The following CCDC148 variants were observed in gnomAD, a reference collection of about 807,000 sequenced individuals.
The protein encoded by CCDC148 is coiled-coil domain-containing protein 148.
CCDC148 carries 89 observed loss-of-function variants against 85.7 expected under a neutral mutation model. That is an observed-to-expected ratio of 1.04 (90% CI 0.87 to 1.24). CCDC148 has a LOEUF of 1.24. Ranked by LOEUF, CCDC148 falls within the 50% of genes most tolerant of loss-of-function variation. The pLI, the probability that CCDC148 is intolerant of heterozygous loss-of-function variation, is 0.00. For missense variants in CCDC148, 692 were observed against 671.7 expected (o/e 1.03, Z -0.33); for synonymous variants, 230 against 213.9 (o/e 1.08, Z -0.66).
chr2:158,352,913 G>A (rs1683399961), intron 2 of CCDC148, among the ~76,000 whole-genome samples: 1 of 151,730 alleles, frequency 6.6e-6, no homozygotes, highest in African/African-American at 2.4e-5. Flanking sequence ...GAGAGTGGGG[G>A]CCAATATTCA....
At chr2:158,267,666 A>T (rs1286952460) in intron 9 of CCDC148, among the ~76,000 whole-genome samples, 1 of 152,296 alleles carries the variant, frequency 6.6e-6, no homozygotes, top group East Asian at 1.9e-4. Flanking sequence ...CTCTAAAAGA[A>T]TTTAACTCTG....
intron 2 of CCDC148, among the ~76,000 whole-genome samples, chr2:158,353,154 A>T (rs1368811619): frequency 6.9e-6 from 1 of 145,902 alleles, no homozygotes; most frequent in African/African-American, 2.6e-5. Context: ...GAGACTAGGA[A>T]GAAACTGCAT....
intron 7 of CCDC148, among the ~76,000 whole-genome samples, chr2:158,316,915 T>G (rs554972003): frequency 6.9e-4 from 105 of 152,324 alleles, no homozygotes; most frequent in African/African-American, 2.3e-3. Context: ...ATTCAATATA[T>G]TTGCATTTCC....
intron 10 of CCDC148, among the ~76,000 whole-genome samples, chr2:158,227,630 C>G (rs1190940194): frequency 6.6e-6 from 1 of 152,142 alleles, no homozygotes; most frequent in African/African-American, 2.4e-5. Flanking sequence ...TGGAACAGAA[C>G]AGAGCCCTCA....
chr2:158,325,388 C>A (rs1205863091), intron 7 of CCDC148, among the ~76,000 whole-genome samples: 1 of 152,156 alleles, frequency 6.6e-6, no homozygotes, highest in East Asian at 1.9e-4. Context: ...GGACACTACA[C>A]TCTCTTTGTT....
chr2:158,352,415 A>T (rs1349771814), intron 2 of CCDC148, among the ~76,000 whole-genome samples: 1 of 152,238 alleles, frequency 6.6e-6, no homozygotes, highest in Non-Finnish European at 1.5e-5. Flanking sequence ...AGGCTCGAGA[A>T]CTACGTGAAG....
chr2:158,389,943 T>C (rs1267722943), intron 1 of CCDC148, among the ~76,000 whole-genome samples: 4 of 152,164 alleles, frequency 2.6e-5, no homozygotes. Context: ...AAAGATTATA[T>C]TGGTAATTCC....
At chr2:158,449,487 G>A (rs945875288) in intron 1 of CCDC148, among the ~76,000 whole-genome samples, 3 of 148,538 alleles carry the variant, frequency 2.0e-5, no homozygotes, top group East Asian at 2.0e-4. Context: ...TCGCTCTGTC[G>A]CCCAGGCTGG....
At chr2:158,325,277 C>A (rs192629079) in intron 7 of CCDC148, among the ~76,000 whole-genome samples, 1 of 152,130 alleles carries the variant, frequency 6.6e-6, no homozygotes, top group African/African-American at 2.4e-5. Context: ...TCTAAAGCCA[C>A]CAACAACCTC....
chr2:158,179,050 T>C lies in CCDC148; in HGVS notation c.1371-54A>G, dbSNP rs1269617521. 1.8e-5 allele frequency: 25 copies of C among 1,393,002 alleles called. No individual in the cohort carries two copies. The South Asian group carries it at 2.0e-4, about 11-fold the overall frequency. 86.3% of individuals were successfully genotyped at this position (1,393,002 alleles called of 1,614,324 possible). A position where few individuals can be genotyped will look rare whatever the true frequency, so the allele number is the denominator to read the frequency against. ...GGAAGCATCATAATAATATTGGAGA[T>C]TGTACAGAAAACAGCATAGGGGCAG... On this transcript the variant is annotated intron_variant, in intron 11 of 13. Transcript: ENST00000283233.
Position 158,440,367 on chromosome 2 carries a change from A to T in CCDC148, c.25+16048T>A, listed in dbSNP as rs146952533. On this transcript the variant is annotated intron_variant, in intron 1 of 13. Coordinates refer to ENST00000283233, the MANE Select transcript of CCDC148 (RefSeq NM_138803.4). ...CGAAACAATGTACACCTCCAAAAAA[A>T]CTGTACATAAATATACATACATTAC... Among the ~76,000 whole-genome samples, 78 of 152,290 alleles carry T rather than the reference A, an allele frequency of 5.1e-4. 1 individual carries two copies. In the East Asian group the frequency reaches 0.011, roughly 21 times the overall value.
intron 1 of CCDC148, among the ~76,000 whole-genome samples, chr2:158,372,612 A>C (rs1574712446): frequency 6.6e-6 from 1 of 151,774 alleles, no homozygotes; most frequent in African/African-American, 2.4e-5. Flanking sequence ...TTTACGCCTA[A>C]CCTCTCTGAC....
intron 9 of CCDC148, among the ~76,000 whole-genome samples, chr2:158,273,069 G>A (rs2105164431): frequency 6.6e-6 from 1 of 152,280 alleles, no homozygotes; most frequent in East Asian, 1.9e-4. Context: ...TGGAGGATGT[G>A]AGAAGTGAGT....
chr2:158,448,761 TC>T (rs1354851766), intron 1 of CCDC148, among the ~76,000 whole-genome samples: 1 of 152,184 alleles, frequency 6.6e-6, no homozygotes, highest in African/African-American at 2.4e-5. Context: ...TAAAATTTAT[TC>T]TTAAATATTG....
chr2:158,239,304 C>G (rs938936903), intron 10 of CCDC148, among the ~76,000 whole-genome samples: 2 of 152,032 alleles, frequency 1.3e-5, no homozygotes, highest in African/African-American at 2.4e-5. Context: ...CTCTCTCTCT[C>G]TCTCCCTCCC....
At chr2:158,230,230 CAGAT>C (rs1258735452) in intron 10 of CCDC148, among the ~76,000 whole-genome samples, 3 of 152,140 alleles carry the variant, frequency 2.0e-5, no homozygotes, top group African/African-American at 7.2e-5. Flanking sequence ...GAAAGGGAGA[CAGAT>C]AGTAAATGAA....
chr2:158,342,998 T>C (rs6720852), intron 3 of CCDC148, among the ~76,000 whole-genome samples: 25,803 of 152,180 alleles, frequency 0.17, 3,487 homozygotes, highest in African/African-American at 0.38. Flanking sequence ...AAGTTTGGCA[T>C]ATGTTTTCAT....
chr2:158,283,986 TGAAATTG>T (rs2105179442), intron 9 of CCDC148, among the ~76,000 whole-genome samples: 1 of 150,562 alleles, frequency 6.6e-6, no homozygotes, highest in South Asian at 2.1e-4. Context: ...GGGACATGGA[TGAAATTG>T]GAAATCATCA....
chr2:158,389,148 A>C (rs1431919074), intron 1 of CCDC148, among the ~76,000 whole-genome samples: 1 of 152,210 alleles, frequency 6.6e-6, no homozygotes, highest in Non-Finnish European at 1.5e-5. Context: ...AAATAACACA[A>C]AGTATTTAAA....
Sources: gnomAD v4.1 joint callset for allele counts (sites outside exome capture counted in the v4.1 genomes callset) on GRCh38, gnomAD v4.1.1 for gene constraint, MANE v1.5 for transcripts, NCBI Gene and HGNC (gene_info 2026-07-23, HGNC 2026-07-21) for gene names.